The following TLN1 variants were observed in gnomAD, a reference collection of about 807,000 sequenced individuals.
TLN1 encodes the protein talin 1.
Under a neutral mutation model 292.3 loss-of-function variants are expected in TLN1, and 56 were observed. That is an observed-to-expected ratio of 0.19 (90% confidence interval 0.15 to 0.24). The LOEUF is 0.24. TLN1 is among the 10% of genes least tolerant of loss of function. The probability of loss-of-function intolerance (pLI) is 1.00; values close to 1 mark genes in which losing one functional copy is unlikely to be tolerated. For missense variants in TLN1, 2,433 were observed against 3,248.2 expected (o/e 0.75, Z 6.10); for synonymous variants, 1,119 against 1,253.7 (o/e 0.89, Z 2.27).
chr9:35,703,529 C>T (rs751249968), intron 48 of TLN1, 31 bp downstream of exon 48: 22 of 1,591,450 alleles, frequency 1.4e-5, no homozygotes, highest in African/African-American at 2.7e-5. Flanking sequence ...CTCTCTGACC[C>T]TAGTCACTGA....
chr9:35,699,883 A>G lies in TLN1; in HGVS notation c.6768+91T>C. 1.5e-6 allele frequency: 2 copies of G among 1,369,344 alleles called. No individual in the cohort carries two copies. Among genetic ancestry groups the G allele is most frequent in the Non-Finnish European group, 2.0e-6 (2 of 997,452 alleles). The allele number at this position is 1,369,344 out of a possible 1,614,324, so 84.8% of individuals were successfully genotyped here. On this transcript the variant is annotated intron_variant, in intron 50 of 56. Coordinates refer to ENST00000314888, the MANE Select transcript of TLN1 (RefSeq NM_006289.4). The surrounding 1 kb of genome is among the most constrained non-coding windows in gnomAD (Gnocchi z 4.0). ...GAGGGTGGGGTAGGGAGGAGATCTG[A>G]GCAAAACAGACAGCAGGGTGCGAGG...
chr9:35,724,761 T>C lies in TLN1; in HGVS notation c.359-37A>G. 6.2e-7 allele frequency: 1 copy of C among 1,613,906 alleles called. No homozygotes were observed. The highest frequency in any genetic ancestry group is 1.1e-5 in the South Asian group (1 of 91,080). ...GATGGCTTGTTAGCTTCCCAGGTAC[T>C]GCATCCATGCCTTTTGAGAGAGTTG... On this transcript the variant is annotated intron_variant, in intron 4 of 56. Coordinates refer to ENST00000314888, the MANE Select transcript of TLN1 (RefSeq NM_006289.4). The surrounding 1 kb of genome is among the most constrained non-coding windows in gnomAD (Gnocchi z 4.7).
chr9:35,712,215 T>C, intron 27 of TLN1, 91 bp from the exon 28 acceptor site: 14 of 1,469,634 alleles, frequency 9.5e-6, no homozygotes, highest in Non-Finnish European at 1.3e-5. Flanking sequence ...CTAGCTCTAC[T>C]GCCTCTGAAA....
chr9:35,729,394 G>A (rs1826030711), intron 1 of TLN1, among the ~76,000 whole-genome samples: 1 of 152,214 alleles, frequency 6.6e-6, no homozygotes, highest in Non-Finnish European at 1.5e-5. Flanking sequence ...TGAAGCACAG[G>A]GGTACCTGCA....
rs746680207 is a variant in TLN1, at chr9:35,720,555, G to C, written c.1207-46C>G. The C allele has an allele frequency of 7.6e-6, 12 of 1,587,358 alleles. No homozygotes were observed. The South Asian group carries it at 1.3e-4, about 18-fold the overall frequency. On this transcript the variant is annotated intron_variant, in intron 11 of 56. Transcript: ENST00000314888. ...CAAGAGTTGGGATAGTTAAAGAAGA[G>C]GGAAGTGGAGAAAAGGCAGCCTCTT...
At chr9:35,728,223 T>TG (rs1364519063) in intron 1 of TLN1, among the ~76,000 whole-genome samples, 1 of 152,048 alleles carries the variant, frequency 6.6e-6, no homozygotes, top group African/African-American at 2.4e-5. Flanking sequence ...TTGGGGTACT[T>TG]GGAGAATATA....
rs1825520982 is a variant in TLN1 at position 35,704,211 on chromosome 9, C to A, written c.6048-37G>T. 2.5e-6 allele frequency: 4 copies of A among 1,569,512 alleles called. No individual in the cohort carries two copies. In the African/African-American group the frequency reaches 4.1e-5, roughly 16 times the overall value. On this transcript the variant is annotated intron_variant, in intron 45 of 56. Transcript: ENST00000314888. This position sits in a 1 kb window ranked among gnomAD's most constrained non-coding sequence, Gnocchi z 6.9. ...CCCAGCTTAGTCAGATCTCCCCTAC[C>A]CGCTCCAGCCCGTCCAAGGTGCCTG...
In TLN1 at chr9:35,725,632, C is replaced by T. The variant is rs760882744; in HGVS notation, c.63G>A (p.Pro21=). The part of the protein sequence containing the change: ...GNVVKTMQFE[P]STMVYDACRI... ...GGCAGGCGTCGTACACCATGGTAGACGGCTCAAACTGCATCGTCTTCACCA... is the reference window on the plus strand; with the variant it reads ...GGCAGGCGTCGTACACCATGGTAGATGGCTCAAACTGCATCGTCTTCACCA... Residue 21 remains proline, a synonymous_variant, in exon 2 of 57, where the codon CCG becomes CCA. Transcript: ENST00000314888. The T allele has an allele frequency of 1.5e-5, 24 of 1,613,832 alleles. No homozygotes were observed. The highest frequency in any genetic ancestry group is 1.3e-4 in the South Asian group (12 of 91,074).
chr9:35,711,526 G>A (rs1825667657), intron 29 of TLN1, 69 bp downstream of exon 29: 1 of 1,608,586 alleles, frequency 6.2e-7, no homozygotes, highest in Non-Finnish European at 8.5e-7. Flanking sequence ...AGTCAGGACT[G>A]GTCACTCAAC....
Position 35,714,157 on chromosome 9 carries a change from G to A in TLN1, c.3121-76C>T, listed in dbSNP as rs1825734552. ...AATGCCTCTGATTACACAATTATCT[G>A]CGTATTGGGTTATTCTGCACAGATT... On this transcript the variant is annotated intron_variant, in intron 24 of 56. Transcript: ENST00000314888. The surrounding 1 kb of genome is among the most constrained non-coding windows in gnomAD (Gnocchi z 4.6). 1 of 1,602,918 alleles carries A rather than the reference G, an allele frequency of 6.2e-7. No homozygotes were observed. Among genetic ancestry groups the A allele is most frequent in the Admixed American group, 1.7e-5 (1 of 59,588 alleles).
rs1402219711 is a variant in TLN1 at position 35,712,977 on chromosome 9, G to A, written c.3419C>T (p.Ala1140Val). ...SLAQAARGVA[A>V]LTSDPAVQAI... ...CTGCACTGCAGGATCTGACGTCAGT[G>A]CAGCGACTCCCCTAGCGGCCTGGGC... Residue 1140 changes from alanine to valine, a missense_variant, in exon 27 of 57, where the codon GCA becomes GTA. Physicochemically the swap from Ala to Val is moderately conservative, Grantham distance 64 (BLOSUM62 0). Coordinates refer to ENST00000314888, the MANE Select transcript of TLN1 (RefSeq NM_006289.4). 4 of 1,610,242 alleles carry A rather than the reference G, an allele frequency of 2.5e-6. No individual in the cohort carries two copies. The highest frequency in any genetic ancestry group is 1.1e-5 in the South Asian group (1 of 90,456).
Position 35,718,690 on chromosome 9 carries a change from A to G in TLN1, c.1995+122T>C, listed in dbSNP as rs989434301. 6.6e-6 allele frequency: 5 copies of G among 754,786 alleles called. No homozygotes were observed. In the African/African-American group the frequency reaches 8.7e-5, roughly 13 times the overall value. The allele number at this position is 754,786 out of a possible 1,614,324, so 46.8% of individuals were successfully genotyped here. On this transcript the variant is annotated intron_variant, in intron 17 of 56. Coordinates refer to ENST00000314888, the MANE Select transcript of TLN1 (RefSeq NM_006289.4). Reference sequence around the variant, plus strand: ...AGAAGTTACTAGTATCATCCCCTGGAAATAGAGGTTCAGATTGGTTTTTAG... The same window carrying G: ...AGAAGTTACTAGTATCATCCCCTGGGAATAGAGGTTCAGATTGGTTTTTAG...
At chr9:35,730,026 T>C (rs1826045861) in intron 1 of TLN1, among the ~76,000 whole-genome samples, 1 of 120,296 alleles carries the variant, frequency 8.3e-6, no homozygotes, top group Admixed American at 8.7e-5. Context: ...TTTGGAAAAA[T>C]ACATATACAT....
In TLN1 at chr9:35,699,419, C is replaced by T; in HGVS notation, c.6811G>A (p.Gly2271Arg). ...PSPELKQQLT[G>R]HSKRVAGSVT... ...GAACCAGCCACACGCTTTGAATGTCCTGTCAACTGCTGCTTCAGTTCTGGG... is the reference window on the plus strand; with the variant it reads ...GAACCAGCCACACGCTTTGAATGTCTTGTCAACTGCTGCTTCAGTTCTGGG... Residue 2271 changes from glycine to arginine, a missense_variant, in exon 51 of 57, where the codon GGA (glycine) becomes AGA (arginine). Gly to Arg is a moderately radical substitution (Grantham distance 125). Transcript: ENST00000314888. This position sits in a 1 kb window ranked among gnomAD's most constrained non-coding sequence, Gnocchi z 4.0. 6.2e-7 allele frequency: 1 copy of T among 1,614,012 alleles called. No individual in the cohort carries two copies. Among genetic ancestry groups the T allele is most frequent in the African/African-American group, 1.3e-5 (1 of 75,052 alleles).
At chr9:35,703,927 C>G (rs1825513350) in intron 46 of TLN1, 27 bp from the exon 47 acceptor site, 1 of 1,613,860 alleles carries the variant, frequency 6.2e-7, no homozygotes, top group Non-Finnish European at 8.5e-7. Flanking sequence ...TGGCTCTGGT[C>G]TATGGGAGGA....
At position 35,716,833 on chromosome 9, in the gene TLN1, G is replaced by A. The variant is rs112613198; in HGVS notation, c.2459-277C>T. On this transcript the variant is annotated intron_variant, in intron 19 of 56. Coordinates refer to ENST00000314888, the MANE Select transcript of TLN1 (RefSeq NM_006289.4). ...GCCTTGAGAAGATGAGACACTCTCTGAAAACTTTTGGGGTCAGGGGTATAG... is the reference window on the plus strand; with the variant it reads ...GCCTTGAGAAGATGAGACACTCTCTAAAAACTTTTGGGGTCAGGGGTATAG... 2.9e-3 allele frequency among the ~76,000 whole-genome samples: 442 copies of A among 152,316 alleles called. 2 individuals are homozygous for A. The highest frequency in any genetic ancestry group is 1.0e-2 in the African/African-American group (415 of 41,552).
At position 35,714,707 on chromosome 9, in the gene TLN1, A is replaced by AT; in HGVS notation, c.2872-21_2872-20insA. 6.2e-7 allele frequency: 1 copy of AT among 1,613,578 alleles called. No individual in the cohort carries two copies. The highest frequency in any genetic ancestry group is 8.5e-7 in the Non-Finnish European group (1 of 1,179,622). ...CACTGCCTGTAGGTGAAAATGTCATAAGAGACCCACAAGTCTCCCTCTTCC... is the reference window on the plus strand; with the variant it reads ...CACTGCCTGTAGGTGAAAATGTCATATAGAGACCCACAAGTCTCCCTCTTCC... On this transcript the variant is annotated intron_variant, in intron 22 of 56. Coordinates refer to ENST00000314888, the MANE Select transcript of TLN1 (RefSeq NM_006289.4). This position sits in a 1 kb window ranked among gnomAD's most constrained non-coding sequence, Gnocchi z 4.6.
intron 48 of TLN1, among the ~76,000 whole-genome samples, chr9:35,702,721 G>A (rs1001861910): frequency 2.0e-5 from 3 of 151,814 alleles, no homozygotes; most frequent in East Asian, 2.0e-4. Context: ...TCGAACTCCC[G>A]ACCTTGTGAT....
At chr9:35,722,600 G>C (rs1052375445) in intron 8 of TLN1, among the ~76,000 whole-genome samples, 1 of 152,134 alleles carries the variant, frequency 6.6e-6, no homozygotes, top group Non-Finnish European at 1.5e-5. Context: ...TCCTACACGG[G>C]GCAAGTACTG....
Sources: gnomAD v4.1 joint callset for allele counts (sites outside exome capture counted in the v4.1 genomes callset) on GRCh38, gnomAD v4.1.1 for gene constraint, Gnocchi (gnomAD v3.1) non-coding constraint, MANE v1.5 for transcripts, NCBI Gene and HGNC (gene_info 2026-07-23, HGNC 2026-07-21) for gene names.